The following ZSWIM6 variants were observed in gnomAD, a reference collection of about 807,000 sequenced individuals.
The protein encoded by ZSWIM6 is zinc finger SWIM-type containing 6.
In ZSWIM6, 9 loss-of-function variants were observed where a neutral mutation model predicts 113.2. That is an observed-to-expected ratio of 0.08 (90% CI 0.05 to 0.14). The LOEUF is 0.14. ZSWIM6 is among the 10% of genes least tolerant of loss of function. ZSWIM6 has a pLI of 1.00. For missense variants in ZSWIM6, 1,162 were observed against 1,552.2 expected (o/e 0.75, Z 4.22); for synonymous variants, 611 against 606.5 (o/e 1.01, Z -0.11).
intron 11 of ZSWIM6, 132 bp from the exon 12 acceptor site, chr5:61,539,464 C>T: frequency 9.1e-7 from 1 of 1,100,382 alleles, no homozygotes; most frequent in Non-Finnish European, 1.3e-6. Context: ...GGTAAATTAA[C>T]TTGTGCTTTA....
chr5:61,535,319 C>G (rs1262471083), intron 9 of ZSWIM6, among the ~76,000 whole-genome samples, 165 bp from the exon 10 acceptor site: 1 of 152,124 alleles, frequency 6.6e-6, no homozygotes, highest in Admixed American at 6.6e-5. Flanking sequence ...ATGCTATACC[C>G]TGAAGAATCT....
chr5:61,539,389 TC>T (rs1749669481), intron 11 of ZSWIM6, among the ~76,000 whole-genome samples: 1 of 152,246 alleles, frequency 6.6e-6, no homozygotes, highest in Admixed American at 6.5e-5. Flanking sequence ...AAGCCGAGAT[TC>T]ACAGACATTG....
At chr5:61,356,597 G>A (rs903677166) in intron 1 of ZSWIM6, among the ~76,000 whole-genome samples, 2 of 148,530 alleles carry the variant, frequency 1.3e-5, no homozygotes, top group East Asian at 3.9e-4. Flanking sequence ...TTAAAAAAGA[G>A]AAAACCCTCA....
chr5:61,492,090 A>G (rs1373597788), intron 3 of ZSWIM6, among the ~76,000 whole-genome samples: 2 of 152,082 alleles, frequency 1.3e-5, no homozygotes, highest in African/African-American at 4.8e-5. Context: ...TAGGCTATAG[A>G]TGTACATGAG....
intron 9 of ZSWIM6, among the ~76,000 whole-genome samples, chr5:61,534,249 T>C (rs1427926642): frequency 6.6e-6 from 1 of 152,202 alleles, no homozygotes; most frequent in Non-Finnish European, 1.5e-5. Context: ...ATTAATGGAT[T>C]TGGTAAAATT....
intron 2 of ZSWIM6, among the ~76,000 whole-genome samples, chr5:61,481,503 C>T (rs1424403778): frequency 6.6e-6 from 1 of 151,978 alleles, no homozygotes; most frequent in Non-Finnish European, 1.5e-5. Context: ...CTACCGCTCC[C>T]ACCATTTTTA....
At chr5:61,449,435 G>T (rs149928226) in intron 1 of ZSWIM6, among the ~76,000 whole-genome samples, 2 of 152,066 alleles carry the variant, frequency 1.3e-5, no homozygotes, top group Non-Finnish European at 2.9e-5. Flanking sequence ...TTACCATGTT[G>T]CCCAGGCTGT....
intron 1 of ZSWIM6, among the ~76,000 whole-genome samples, chr5:61,390,171 C>T (rs1431257192): frequency 6.6e-6 from 1 of 152,206 alleles, no homozygotes; most frequent in Non-Finnish European, 1.5e-5. Context: ...TGGGCAGCTA[C>T]TGTGCTGTAA....
intron 1 of ZSWIM6, among the ~76,000 whole-genome samples, chr5:61,380,170 G>C (rs1225017883): frequency 6.6e-6 from 1 of 152,086 alleles, no homozygotes; most frequent in African/African-American, 2.4e-5. Context: ...CCACCTCCCA[G>C]GTTCAAGTGA....
chr5:61,385,700 G>A lies in ZSWIM6; in HGVS notation c.676+52752G>A, dbSNP rs994880961. Among the ~76,000 whole-genome samples, 5 of 152,198 alleles carry A rather than the reference G, an allele frequency of 3.3e-5. No individual in the cohort carries two copies. The East Asian group carries it at 7.7e-4, about 23-fold the overall frequency. ...ATACTGTCTAACATAACCAGGCAGC[G>A]TAGTTTACTTGGCTTCTTCATTGAA... is the stretch of plus-strand genomic sequence containing the variant. On this transcript the variant is annotated intron_variant, in intron 1 of 13. Transcript: ENST00000252744.
At chr5:61,356,359 G>A (rs182680287) in intron 1 of ZSWIM6, among the ~76,000 whole-genome samples, 49 of 152,116 alleles carry the variant, frequency 3.2e-4, no homozygotes, top group Non-Finnish European at 6.2e-4. Flanking sequence ...TGATTATTTT[G>A]TAGGTTTCAG....
chr5:61,495,065 A>G (rs1748280981), intron 4 of ZSWIM6, among the ~76,000 whole-genome samples: 2 of 152,286 alleles, frequency 1.3e-5, no homozygotes, highest in South Asian at 2.1e-4. Flanking sequence ...TGTATTTATT[A>G]TCTTGTCTTT....
chr5:61,473,131 A>G (rs889441255), intron 2 of ZSWIM6, 94 bp downstream of exon 2: 7 of 799,590 alleles, frequency 8.8e-6, no homozygotes, highest in Non-Finnish European at 1.3e-5. Flanking sequence ...TAAATGTGAA[A>G]TAGATCATCA....
chr5:61,360,013 A>G (rs1015963161), intron 1 of ZSWIM6, among the ~76,000 whole-genome samples: 13 of 151,890 alleles, frequency 8.6e-5, no homozygotes, highest in African/African-American at 2.9e-4. Flanking sequence ...AGAGAGAGAG[A>G]GAGAGAGGGA....
chr5:61,446,101 A>C (rs1746947187), intron 1 of ZSWIM6, among the ~76,000 whole-genome samples: 1 of 152,202 alleles, frequency 6.6e-6, no homozygotes, highest in East Asian at 1.9e-4. Flanking sequence ...ATCTTGGCTC[A>C]CTGCAACCTC....
intron 1 of ZSWIM6, among the ~76,000 whole-genome samples, chr5:61,405,953 C>G (rs890671456): frequency 6.6e-6 from 1 of 152,160 alleles, no homozygotes; most frequent in African/African-American, 2.4e-5. Flanking sequence ...TATGTATAGT[C>G]TGTGGTCCTG....
rs1161891703 is a variant in ZSWIM6 at position 61,332,457 on chromosome 5, C to T, written c.185C>T (p.Ala62Val). The change falls in exon 1 of 14, where the codon GCG (alanine) becomes GTG (valine). Residue 62 changes from alanine (A) to valine (V), a missense_variant. Ala to Val is a moderately conservative substitution (Grantham distance 64). This residue lies in a region of ZSWIM6 where 333 missense variants were observed against 293.4 expected (regional missense o/e 1.13). Transcript: ENST00000252744. ...AAAAACGGGA[A>V]LGLLPPGKTQ... ...GCGGCGGCGTGCGGGGGCGGCGCGGCGCTGGGGTTGCTGCCGCCGGGCAAG... is the reference window on the plus strand; with the variant it reads ...GCGGCGGCGTGCGGGGGCGGCGCGGTGCTGGGGTTGCTGCCGCCGGGCAAG... The T allele has an allele frequency of 1.9e-6, 2 of 1,077,464 alleles. No homozygotes were observed. The highest frequency in any genetic ancestry group is 4.5e-5 in the Admixed American group (1 of 22,124). The allele number at this position is 1,077,464 out of a possible 1,614,324, so 66.7% of individuals were successfully genotyped here.
chr5:61,366,121 C>T (rs1322236314), intron 1 of ZSWIM6, among the ~76,000 whole-genome samples: 1 of 152,144 alleles, frequency 6.6e-6, no homozygotes, highest in African/African-American at 2.4e-5. Context: ...TTTTGAACTC[C>T]TGGGCTCTCA....
At chr5:61,366,710 GGCTTGAGCCAGGA>G in intron 1 of ZSWIM6, among the ~76,000 whole-genome samples, 1 of 152,210 alleles carries the variant, frequency 6.6e-6, no homozygotes, top group South Asian at 2.1e-4. Context: ...GGCGGCAGAT[GGCTTGAGCCAGGA>G]GCTTGAGACT....
Sources: gnomAD v4.1 joint callset for allele counts (sites outside exome capture counted in the v4.1 genomes callset) on GRCh38, gnomAD v4.1.1 for gene constraint, gnomAD v4.1.1 regional missense constraint, MANE v1.5 for transcripts, NCBI Gene and HGNC (gene_info 2026-07-23, HGNC 2026-07-21) for gene names.